MYO7A: variants seen among roughly 807,000 people sequenced by gnomAD.
The protein encoded by MYO7A is unconventional myosin-VIIa.
MYO7A carries 210 observed loss-of-function variants against 263.8 expected under a neutral mutation model. The ratio of observed to expected loss-of-function variants is 0.80; its 90% CI spans 0.71 to 0.89. The LOEUF (loss-of-function observed/expected upper bound fraction) is 0.89. Ranked by LOEUF, MYO7A falls within the 40% of genes least tolerant of loss-of-function variation. The probability of loss-of-function intolerance (pLI) is 0.00; values close to 1 mark genes in which losing one functional copy is unlikely to be tolerated. For missense variants in MYO7A, 2,820 were observed against 2,968.3 expected, an observed-to-expected ratio of 0.95 and a Z score of 1.16; for synonymous variants, 1,239 against 1,197.3, an observed-to-expected ratio of 1.03 and a Z score of -0.72.
rs111033227 is a variant in MYO7A, at chr11:77,162,338, G to A, written c.1554+8G>A. 4,986 of 1,551,032 alleles carry A rather than the reference G, an allele frequency of 3.2e-3. 13 individuals carry two copies. The highest frequency in any genetic ancestry group is 3.7e-3 in the Non-Finnish European group (4,241 of 1,146,888). On this transcript the variant is annotated splice_region_variant and intron_variant, in intron 13 of 48. Transcript: ENST00000409709. ...GAGAGCAAGTTCCCCAAGGTGGGCC[G>A]GTCCTGCTGCCGCCTCCCAGGGTCT... is the stretch of plus-strand genomic sequence containing the variant.
chr11:77,205,684 A>G (rs913543409), intron 40 of MYO7A, 67 bp downstream of exon 40: 18 of 1,595,544 alleles, frequency 1.1e-5, no homozygotes, highest in East Asian at 4.5e-5. Flanking sequence ...GGCTTGTGGG[A>G]TGAGCCCCTT....
At position 77,207,275 on chromosome 11, in the gene MYO7A, A is replaced by C. The variant is rs753353880; in HGVS notation, c.5743-14A>C. On this transcript the variant is annotated splice_polypyrimidine_tract_variant and intron_variant, in intron 41 of 48. Coordinates refer to ENST00000409709, the MANE Select transcript of MYO7A (RefSeq NM_000260.4). ...AAGGCCCTGCAGGAGCCCAGTGCTC[A>C]CTGCCCCTCCCAGGCCTTCGAAGTG... is the stretch of plus-strand genomic sequence containing the variant. 14 of 1,589,942 alleles carry C rather than the reference A, an allele frequency of 8.8e-6. No homozygotes were observed. The highest frequency in any genetic ancestry group is 1.7e-6 in the Non-Finnish European group (2 of 1,165,052).
intron 2 of MYO7A, among the ~76,000 whole-genome samples, chr11:77,132,154 T>A (rs1950783674): frequency 6.6e-6 from 1 of 151,882 alleles, no homozygotes; most frequent in Non-Finnish European, 1.5e-5. Flanking sequence ...TGGCTTCCCC[T>A]CTTGCCTGGC....
chr11:77,178,579 TCTATCAGG>T (rs1954882585), intron 19 of MYO7A, among the ~76,000 whole-genome samples: 1 of 152,200 alleles, frequency 6.6e-6, no homozygotes, highest in African/African-American at 2.4e-5. Flanking sequence ...GTCTCTGTCC[TCTATCAGG>T]CTGAAGATGA....
chr11:77,156,669 T>G lies in MYO7A; in HGVS notation c.480T>G (p.Ser160=), dbSNP rs1555062431. 1 of 1,613,840 alleles carries G rather than the reference T, an allele frequency of 6.2e-7. No homozygotes were observed. Among genetic ancestry groups the G allele is most frequent in the Admixed American group, 1.7e-5 (1 of 60,030 alleles). Residue 160 remains serine, a synonymous_variant, in exon 6 of 49, where the codon TCT becomes TCG. Coordinates refer to ENST00000409709, the MANE Select transcript of MYO7A (RefSeq NM_000260.4). Reference sequence around the variant, plus strand: ...CTCCCTCCCTCTGCAGTGGGGAATCTGGGGCCGGGAAGACGGAGAGCACAA... The same window carrying G: ...CTCCCTCCCTCTGCAGTGGGGAATCGGGGGCCGGGAAGACGGAGAGCACAA... The part of the protein sequence containing the change: ...RDQCCIISGE[S]GAGKTESTKL...
chr11:77,129,998 C>T (rs946718243), intron 1 of MYO7A, among the ~76,000 whole-genome samples: 2 of 151,712 alleles, frequency 1.3e-5, no homozygotes, highest in Admixed American at 6.6e-5. Context: ...GGCCCAGGTG[C>T]GGTGCATTCA....
chr11:77,162,376 G>A, intron 13 of MYO7A, 46 bp downstream of exon 13: 2 of 1,520,082 alleles, frequency 1.3e-6, no homozygotes, highest in Non-Finnish European at 1.8e-6. Context: ...GGTGCGCACA[G>A]CTTCCTTCCC....
intron 20 of MYO7A, 106 bp downstream of exon 20, chr11:77,179,235 T>C: frequency 1.0e-6 from 1 of 989,480 alleles, no homozygotes; most frequent in Non-Finnish European, 1.5e-6. Context: ...CCTGGCCTCG[T>C]TGGCCTCCTG....
At chr11:77,154,826 G>A (rs1565336263) in intron 4 of MYO7A, among the ~76,000 whole-genome samples, 1 of 152,146 alleles carries the variant, frequency 6.6e-6, no homozygotes, top group Non-Finnish European at 1.5e-5. Context: ...GGCCAGGACT[G>A]GAGCCTGGGT....
chr11:77,165,421 C>A (rs1000904859), intron 14 of MYO7A, among the ~76,000 whole-genome samples: 1 of 152,332 alleles, frequency 6.6e-6, no homozygotes, highest in Non-Finnish European at 1.5e-5. Context: ...TCTCCCTAGG[C>A]TCCTGGGGAT....
chr11:77,211,095 A>G, intron 44 of MYO7A, 57 bp from the exon 45 acceptor site: 1 of 1,454,826 alleles, frequency 6.9e-7, no homozygotes. Flanking sequence ...TGTGGTGGGA[A>G]AGGAGCCCAC....
At chr11:77,129,722 G>A (rs2135516086) in intron 1 of MYO7A, among the ~76,000 whole-genome samples, 1 of 152,294 alleles carries the variant, frequency 6.6e-6, no homozygotes, top group East Asian at 1.9e-4. Context: ...GCTTGGGAGT[G>A]GTCAGGGAAG....
chr11:77,181,981 G>C lies in MYO7A; in HGVS notation c.2935G>C (p.Glu979Gln). The change falls in exon 24 of 49, where the codon GAG becomes CAG. Residue 979 changes from glutamate to glutamine, a missense_variant. Transcript: ENST00000409709. ...DLERGRREMV[E>Q]EDLDAALPLP... ...GGAGCGAGGGCGGAGGGAGATGGTG[G>C]AGGAGGACCTGGATGCAGCCCTGCC... 1 of 1,613,230 alleles carries C rather than the reference G, an allele frequency of 6.2e-7. No homozygotes were observed. Among genetic ancestry groups the C allele is most frequent in the Non-Finnish European group, 8.5e-7 (1 of 1,179,772 alleles).
intron 3 of MYO7A, among the ~76,000 whole-genome samples, chr11:77,145,545 T>C (rs554941029): frequency 1.4e-4 from 21 of 152,286 alleles, no homozygotes; most frequent in African/African-American, 4.8e-4. Context: ...TCCCCTCCTG[T>C]CCACACTGGG....
rs782638002 is a variant in MYO7A, at chr11:77,161,021, G to A, written c.1249G>A (p.Ala417Thr). The stretch of plus-strand genomic sequence containing the variant: ...GTGGATTGTGGACAAGATCAACGCA[G>A]CAATTTACAAGCCTCCCTCCCAGGA... Reference protein sequence around the residue: ...FVWIVDKINAAIYKPPSQDVK... With the variant: ...FVWIVDKINATIYKPPSQDVK... Residue 417 changes from alanine to threonine, a missense_variant, in exon 12 of 49, where the codon GCA (alanine) becomes ACA (threonine). Transcript: ENST00000409709. 7.4e-6 allele frequency: 12 copies of A among 1,613,144 alleles called. No individual in the cohort carries two copies. In the South Asian group the frequency reaches 7.7e-5, roughly 10 times the overall value.
In MYO7A at chr11:77,174,713, G is replaced by A; in HGVS notation, c.1936-43G>A. The A allele has an allele frequency of 1.9e-6, 3 of 1,539,436 alleles. No homozygotes were observed. The Admixed American group carries it at 5.8e-5, about 30-fold the overall frequency. ...AAGTGCACAGCAGGGCTGCCTCCCA[G>A]CAGGAGCCTTGGCCCTGATGCCCTT... is the stretch of plus-strand genomic sequence containing the variant. On this transcript the variant is annotated intron_variant, in intron 16 of 48. Transcript: ENST00000409709.
chr11:77,157,981 TG>T (rs2135253108), intron 8 of MYO7A, among the ~76,000 whole-genome samples: 1 of 152,240 alleles, frequency 6.6e-6, no homozygotes, highest in South Asian at 2.1e-4. Context: ...GTGCTGTGAC[TG>T]CCAGGTGGGC....
At chr11:77,152,043 G>A (rs1020396810) in intron 4 of MYO7A, among the ~76,000 whole-genome samples, 1 of 152,202 alleles carries the variant, frequency 6.6e-6, no homozygotes, top group South Asian at 2.1e-4. Flanking sequence ...CACCTCCAGA[G>A]GCCTTCTGAG....
intron 3 of MYO7A, among the ~76,000 whole-genome samples, chr11:77,146,917 G>C (rs1951610496): frequency 6.6e-6 from 1 of 152,110 alleles, no homozygotes; most frequent in South Asian, 2.1e-4. Flanking sequence ...CCAGCTTGTT[G>C]AAAGAGCTGG....
Sources: gnomAD v4.1 joint callset for allele counts (sites outside exome capture counted in the v4.1 genomes callset) on GRCh38, gnomAD v4.1.1 for gene constraint, MANE v1.5 for transcripts, NCBI Gene and HGNC (gene_info 2026-07-23, HGNC 2026-07-21) for gene names.